Variants in MTMR2 observed in about 807,000 individuals in gnomAD.
MTMR2 encodes the protein phosphatidylinositol-3,5-bisphosphate 3-phosphatase MTMR2.
MTMR2 carries 55 observed loss-of-function variants against 86.9 expected under a neutral mutation model. The ratio of observed to expected loss-of-function variants is 0.63; its 90% CI spans 0.51 to 0.79. MTMR2 has a LOEUF of 0.79. Ranked by LOEUF, MTMR2 falls within the 30% of genes least tolerant of loss-of-function variation. MTMR2 has a pLI of 0.00. For missense variants in MTMR2, 659 were observed against 772.3 expected (o/e 0.85, Z 1.74); for synonymous variants, 241 against 266.8 (o/e 0.90, Z 0.94).
At chr11:95,918,939 G>T (rs1221135558) in intron 1 of MTMR2, among the ~76,000 whole-genome samples, 1 of 152,180 alleles carries the variant, frequency 6.6e-6, no homozygotes, top group African/African-American at 2.4e-5. Flanking sequence ...CCAGGCTCAG[G>T]TGATCCTCTC....
chr11:95,897,848 C>T (rs1043553559), intron 1 of MTMR2, among the ~76,000 whole-genome samples: 3 of 152,080 alleles, frequency 2.0e-5, no homozygotes, highest in African/African-American at 7.2e-5. Flanking sequence ...AGGACATCAC[C>T]TTTGCCAGCG....
intron 1 of MTMR2, chr11:95,907,819 C>T (rs1487063466): frequency 2.5e-6 from 1 of 399,356 alleles, no homozygotes; most frequent in Non-Finnish European, 4.9e-6. Context: ...AATAACGCTT[C>T]ATGTTAAAAA....
chr11:95,845,286 T>A (rs1863739308), intron 10 of MTMR2, 127 bp from the exon 11 acceptor site: 3 of 881,680 alleles, frequency 3.4e-6, no homozygotes, highest in Non-Finnish European at 5.4e-6. Context: ...TGTCCCTTCC[T>A]AAGAAGAATT....
chr11:95,837,395 A>G (rs1863332044), intron 13 of MTMR2, among the ~76,000 whole-genome samples: 1 of 152,094 alleles, frequency 6.6e-6, no homozygotes, highest in Non-Finnish European at 1.5e-5. Context: ...AAAATAAAAC[A>G]TAAATACTTT....
At chr11:95,836,987 T>C (rs2135404162) in intron 13 of MTMR2, among the ~76,000 whole-genome samples, 1 of 152,150 alleles carries the variant, frequency 6.6e-6, no homozygotes, top group East Asian at 1.9e-4. Context: ...TTTCATGGTA[T>C]GCATATTATT....
chr11:95,911,211 A>C (rs921178040), intron 1 of MTMR2, among the ~76,000 whole-genome samples: 1 of 152,114 alleles, frequency 6.6e-6, no homozygotes, highest in African/African-American at 2.4e-5. Flanking sequence ...TAGTTTGGAA[A>C]ATCCCAAGGT....
intron 1 of MTMR2, among the ~76,000 whole-genome samples, chr11:95,919,812 C>T (rs1410562596): frequency 6.6e-6 from 1 of 152,122 alleles, no homozygotes; most frequent in Non-Finnish European, 1.5e-5. Context: ...AACATTCCGT[C>T]AACATTCTTT....
Position 95,835,180 on chromosome 11 carries a change from G to A in MTMR2, c.*110C>T. The A allele has an allele frequency of 8.7e-7, 1 of 1,143,566 alleles. No individual in the cohort carries two copies. The allele number at this position is 1,143,566 out of a possible 1,614,324, so 70.8% of individuals were successfully genotyped here. On this transcript the variant is annotated 3_prime_UTR_variant, in exon 15 of 15. Coordinates refer to ENST00000346299, the MANE Select transcript of MTMR2 (RefSeq NM_016156.6). ...TAGAGAGATTTAAAATAAATAAAGT[G>A]ACTGAACTTTCTCTCATAGATGGGT...
intron 2 of MTMR2, among the ~76,000 whole-genome samples, chr11:95,869,591 T>G (rs535214): frequency 0.015 from 2,343 of 152,292 alleles, 59 homozygotes; most frequent in African/African-American, 0.054. Flanking sequence ...AGCATCTCAC[T>G]GTTGTAAGGA....
chr11:95,882,871 C>T lies in MTMR2; in HGVS notation c.186+5285G>A, dbSNP rs1449940035. 8.3e-4 allele frequency among the ~76,000 whole-genome samples: 123 copies of T among 148,258 alleles called. 1 individual carries two copies. Among genetic ancestry groups the T allele is most frequent in the Middle Eastern group, 3.5e-3 (1 of 288 alleles). The stretch of plus-strand genomic sequence containing the variant: ...CCGAGTAGCTGGGACTACAGGCGCC[C>T]GCCACCACATCCAGCTAATTTTTTT... On this transcript the variant is annotated intron_variant, in intron 2 of 14. Coordinates refer to ENST00000346299, the MANE Select transcript of MTMR2 (RefSeq NM_016156.6).
intron 11 of MTMR2, among the ~76,000 whole-genome samples, chr11:95,842,251 T>A (rs1863579421): frequency 6.6e-6 from 1 of 152,166 alleles, no homozygotes; most frequent in Non-Finnish European, 1.5e-5. Context: ...TTTAATAAAC[T>A]CAGATCCTAA....
At chr11:95,873,469 T>C (rs965202096) in intron 2 of MTMR2, among the ~76,000 whole-genome samples, 12 of 152,344 alleles carry the variant, frequency 7.9e-5, no homozygotes, top group African/African-American at 2.9e-4. Context: ...TTTATCATTT[T>C]TTATTGCATC....
intron 3 of MTMR2, 149 bp from the exon 4 acceptor site, chr11:95,862,515 C>T: frequency 2.9e-6 from 2 of 692,970 alleles, no homozygotes; most frequent in South Asian, 3.3e-5. Flanking sequence ...AATCCTACAA[C>T]CCAAGCTTCC....
chr11:95,896,470 C>T (rs1865885529), intron 1 of MTMR2, among the ~76,000 whole-genome samples: 1 of 151,840 alleles, frequency 6.6e-6, no homozygotes, highest in Admixed American at 6.6e-5. Flanking sequence ...TGCAAGACAC[C>T]ATGCCTGTCT....
At chr11:95,917,982 T>C (rs557505347) in intron 1 of MTMR2, among the ~76,000 whole-genome samples, 1 of 152,350 alleles carries the variant, frequency 6.6e-6, no homozygotes, top group Admixed American at 6.5e-5. Context: ...ACGCATATTC[T>C]TGTTTTATGT....
intron 7 of MTMR2, among the ~76,000 whole-genome samples, chr11:95,851,733 C>G (rs896513192): frequency 4.6e-5 from 7 of 152,206 alleles, no homozygotes; most frequent in Non-Finnish European, 1.0e-4. Flanking sequence ...GCTACATGCA[C>G]AGCTATCGCT....
intron 2 of MTMR2, among the ~76,000 whole-genome samples, chr11:95,882,171 T>C (rs1346416775): frequency 6.6e-6 from 1 of 152,124 alleles, no homozygotes; most frequent in Non-Finnish European, 1.5e-5. Flanking sequence ...ATATTTTCAG[T>C]ACATGTCAAT....
chr11:95,845,091 A>G lies in MTMR2; in HGVS notation c.1248T>C (p.His416=), dbSNP rs779618687. Residue 416 remains histidine (H), a synonymous_variant, in exon 11 of 15, where the codon CAT becomes CAC. Transcript: ENST00000346299. Reference sequence around the variant, plus strand: ...CTGTGCGATCCCAACCATCACTGCAATGCACTACCACAGACGTCTTCCCTG... The same window carrying G: ...CTGTGCGATCCCAACCATCACTGCAGTGCACTACCACAGACGTCTTCCCTG... ...VESGKTSVVV[H]CSDGWDRTAQ... The G allele has an allele frequency of 1.1e-5, 17 of 1,614,000 alleles. No individual in the cohort carries two copies. Among genetic ancestry groups the G allele is most frequent in the Middle Eastern group, 1.7e-4 (1 of 6,060 alleles).
At chr11:95,872,157 G>T (rs1024487231) in intron 2 of MTMR2, among the ~76,000 whole-genome samples, 4 of 152,190 alleles carry the variant, frequency 2.6e-5, no homozygotes, top group African/African-American at 9.7e-5. Context: ...ATTCTGTGAA[G>T]AAAGTCATTG....
Sources: gnomAD v4.1 joint callset for allele counts (sites outside exome capture counted in the v4.1 genomes callset) on GRCh38, gnomAD v4.1.1 for gene constraint, MANE v1.5 for transcripts, NCBI Gene and HGNC (gene_info 2026-07-23, HGNC 2026-07-21) for gene names.